HIVEP3: variants seen among roughly 807,000 people sequenced by gnomAD.
The protein encoded by HIVEP3 is HIVEP zinc finger 3.
In HIVEP3, 49 loss-of-function variants were observed where a neutral mutation model predicts 152.8. The ratio of observed to expected loss-of-function variants is 0.32; its 90% confidence interval spans 0.26 to 0.41. HIVEP3 has a LOEUF of 0.41. HIVEP3 is among the 10% of genes least tolerant of loss of function. The pLI, the probability that HIVEP3 is intolerant of heterozygous loss-of-function variation, is 1.00. For synonymous variants in HIVEP3, 1,269 were observed against 1,289.0 expected (o/e 0.98, Z 0.33); for missense variants, 2,790 against 3,103.3 (o/e 0.90, Z 2.40).
intron 1 of HIVEP3, among the ~76,000 whole-genome samples, chr1:41,844,345 A>G (rs1643375134): frequency 1.3e-5 from 2 of 152,252 alleles, no homozygotes; most frequent in Non-Finnish European, 1.5e-5. Context: ...TTACTCAGAT[A>G]GAATGTTCTA....
At chr1:42,011,660 C>G (rs1043840804) in intron 1 of HIVEP3, among the ~76,000 whole-genome samples, 5 of 152,188 alleles carry the variant, frequency 3.3e-5, no homozygotes, top group Non-Finnish European at 5.9e-5. Flanking sequence ...CTATCCCTAT[C>G]AAATCCTCCA....
At chr1:41,661,374 C>G (rs540627975) in intron 2 of HIVEP3, among the ~76,000 whole-genome samples, 1 of 152,226 alleles carries the variant, frequency 6.6e-6, no homozygotes, top group African/African-American at 2.4e-5. Flanking sequence ...GTCTGAAGCC[C>G]AAGCACCCTG....
At chr1:41,527,910 TCA>T (rs1215692554) in intron 5 of HIVEP3, among the ~76,000 whole-genome samples, 8 of 84,428 alleles carry the variant, frequency 9.5e-5, no homozygotes, top group Admixed American at 6.3e-4. Flanking sequence ...ATGCTCACCC[TCA>T]CACACACACC....
At chr1:41,535,160 T>C (rs998728469) in intron 5 of HIVEP3, among the ~76,000 whole-genome samples, 4 of 152,078 alleles carry the variant, frequency 2.6e-5, no homozygotes, top group African/African-American at 9.7e-5. Context: ...CCGCACATCA[T>C]CTAAACACTT....
chr1:41,527,281 C>CCACAGTG (rs1643004876), intron 5 of HIVEP3, among the ~76,000 whole-genome samples: 2 of 132,856 alleles, frequency 1.5e-5, no homozygotes, highest in African/African-American at 2.9e-5. Flanking sequence ...CCTCACACAC[C>CCACAGTG]CTCACATACA....
intron 1 of HIVEP3, among the ~76,000 whole-genome samples, chr1:41,787,177 A>G (rs1649398685): frequency 6.6e-6 from 1 of 152,228 alleles, no homozygotes; most frequent in South Asian, 2.1e-4. Flanking sequence ...ACCATAAAAA[A>G]CTATGAATGA....
chr1:41,797,816 G>A (rs1043858489), intron 1 of HIVEP3, among the ~76,000 whole-genome samples: 15 of 151,936 alleles, frequency 9.9e-5, no homozygotes, highest in African/African-American at 3.4e-4. Flanking sequence ...GTGAAACCCC[G>A]TCTCTACTAA....
intron 1 of HIVEP3, among the ~76,000 whole-genome samples, chr1:41,993,809 A>G (rs1341240938): frequency 1.3e-5 from 2 of 151,910 alleles, no homozygotes; most frequent in African/African-American, 4.8e-5. Flanking sequence ...ACCATGGAAT[A>G]CTATGCAGCC....
At chr1:41,871,744 T>A (rs75567290) in intron 1 of HIVEP3, among the ~76,000 whole-genome samples, 1,991 of 152,278 alleles carry the variant, frequency 0.013, 62 homozygotes, top group African/African-American at 0.046. Context: ...AAATGTCTTA[T>A]CAATGATTTC....
rs569783365 is a variant in HIVEP3 at position 41,889,663 on chromosome 1, G to A, written c.-801+28750C>T. Among the ~76,000 whole-genome samples, 18 of 152,314 alleles carry A rather than the reference G, an allele frequency of 1.2e-4. No individual in the cohort carries two copies. In the South Asian group the frequency reaches 3.7e-3, roughly 32 times the overall value. On this transcript the variant is annotated intron_variant, in intron 1 of 8. Transcript: ENST00000372583. Reference sequence around the variant, plus strand: ...CAGGGTGGGCCTTCATTTCCCATATGTTAGTGTGTATCGATGGAGAGGGTA... The same window carrying A: ...CAGGGTGGGCCTTCATTTCCCATATATTAGTGTGTATCGATGGAGAGGGTA...
intron 1 of HIVEP3, among the ~76,000 whole-genome samples, chr1:41,904,263 G>A (rs1644674390): frequency 6.6e-6 from 1 of 152,138 alleles, no homozygotes; most frequent in Non-Finnish European, 1.5e-5. Flanking sequence ...ACACAGGCCT[G>A]TGCTTTAACT....
intron 5 of HIVEP3, among the ~76,000 whole-genome samples, chr1:41,569,501 A>G (rs920039050): frequency 6.6e-6 from 1 of 152,238 alleles, no homozygotes; most frequent in Non-Finnish European, 1.5e-5. Flanking sequence ...GAGGTAACAC[A>G]TATTCCCAAA....
chr1:41,748,018 A>T (rs1452843514), intron 1 of HIVEP3, among the ~76,000 whole-genome samples: 2 of 152,236 alleles, frequency 1.3e-5, no homozygotes, highest in Non-Finnish European at 1.5e-5. Context: ...CAATGGAAGG[A>T]TCCCCCATTC....
chr1:41,986,438 C>CTTTT (rs34078704), intron 1 of HIVEP3, among the ~76,000 whole-genome samples: 1 of 112,490 alleles, frequency 8.9e-6, no homozygotes, highest in Admixed American at 8.6e-5. Flanking sequence ...TTGAATAGGA[C>CTTTT]TTTTTTTTTT....
At chr1:41,721,425 C>T (rs975637680) in intron 1 of HIVEP3, among the ~76,000 whole-genome samples, 3 of 152,164 alleles carry the variant, frequency 2.0e-5, no homozygotes, top group Non-Finnish European at 2.9e-5. Flanking sequence ...AGGCTGGTCT[C>T]GAACTCCTGA....
chr1:41,688,397 A>G (rs1308025680), intron 2 of HIVEP3, among the ~76,000 whole-genome samples: 1 of 152,166 alleles, frequency 6.6e-6, no homozygotes, highest in African/African-American at 2.4e-5. Flanking sequence ...GTAAGCAATC[A>G]CTTTTTCTGG....
Position 41,582,650 on chromosome 1 carries a change from C to G in HIVEP3, c.2148G>C (p.Arg716Ser). The G allele has an allele frequency of 6.2e-7, 1 of 1,614,142 alleles. No individual in the cohort carries two copies. The highest frequency in any genetic ancestry group is 1.1e-5 in the South Asian group (1 of 91,064). Residue 716 changes from arginine (R) to serine (S), a missense_variant, in exon 4 of 9, where the codon AGG becomes AGC. Arg to Ser is a moderately radical substitution (Grantham distance 110). Around this residue, in one of 9 missense-constraint regions of HIVEP3, gnomAD observed 339 missense variants for 327.0 expected, o/e 1.04. Coordinates refer to ENST00000372583, the MANE Select transcript of HIVEP3 (RefSeq NM_024503.5). The surrounding 1 kb of genome is among the most constrained non-coding windows in gnomAD (Gnocchi z 4.7). Reference sequence around the variant, plus strand: ...CCTCGTCCCCAAGGCTCTTCTCTTTCCTCCTCTTCCTCAGTGGAGTGAGTT... The same window carrying G: ...CCTCGTCCCCAAGGCTCTTCTCTTTGCTCCTCTTCCTCAGTGGAGTGAGTT... The part of the protein sequence containing the change: ...TLELTPLRKR[R>S]KEKSLGDEEE...
At chr1:41,978,297 C>T (rs1232457841) in intron 1 of HIVEP3, among the ~76,000 whole-genome samples, 1 of 152,082 alleles carries the variant, frequency 6.6e-6, no homozygotes, top group African/African-American at 2.4e-5. Flanking sequence ...TGTCCCCCAC[C>T]CCCCAAATTC....
At chr1:41,634,792 C>A (rs1645245215) in intron 2 of HIVEP3, among the ~76,000 whole-genome samples, 1 of 152,074 alleles carries the variant, frequency 6.6e-6, no homozygotes, top group South Asian at 2.1e-4. Flanking sequence ...CAAGGAGATA[C>A]AAAAATCACG....
Sources: allele counts gnomAD v4.1 joint callset (sites outside exome capture counted in the v4.1 genomes callset), GRCh38; gene constraint gnomAD v4.1.1; regional missense constraint gnomAD v4.1.1; non-coding constraint Gnocchi (gnomAD v3.1); transcripts MANE v1.5; gene names NCBI Gene and HGNC (gene_info 2026-07-23, HGNC 2026-07-21).